Variants in DISC1 observed in about 807,000 individuals in gnomAD.
The protein encoded by DISC1 is DISC1 scaffold protein.
In DISC1, 57 loss-of-function variants were observed where a neutral mutation model predicts 84.5. That is an observed-to-expected ratio of 0.67 (90% confidence interval 0.55 to 0.84). DISC1 has a LOEUF of 0.84. DISC1 is among the 40% of genes least tolerant of loss of function. The probability of loss-of-function intolerance (pLI) is 0.00; values close to 1 mark genes in which losing one functional copy is unlikely to be tolerated. For missense variants in DISC1, 1,000 were observed against 1,057.8 expected, an observed-to-expected ratio of 0.95 and a Z score of 0.76; for synonymous variants, 411 against 415.2, an observed-to-expected ratio of 0.99 and a Z score of 0.12.
At chr1:231,750,299 A>AGAGAACCTTCTCAAGTGCAGCTGCATCCC (rs1263798882) in intron 4 of DISC1, 2 of 1,357,552 alleles carry the variant, frequency 1.5e-6, no homozygotes, top group African/African-American at 2.9e-5. Context: ...CTTGACAGAG[A>AGAGAACCTTCTCAAGTGCAGCTGCATCCC]GAGAACCTTC....
At chr1:232,034,898 A>C (rs1670372460) in intron 12 of DISC1, among the ~76,000 whole-genome samples, 1 of 71,912 alleles carries the variant, frequency 1.4e-5, no homozygotes, top group South Asian at 3.5e-4. Context: ...AAAGCCTCTT[A>C]AAAAAAAAAA....
chr1:231,771,989 T>A (rs2076586295), intron 6 of DISC1, among the ~76,000 whole-genome samples: 1 of 151,650 alleles, frequency 6.6e-6, no homozygotes, highest in Non-Finnish European at 1.5e-5. Context: ...TTTTTTTAAG[T>A]TTTTTGCAGA....
At chr1:231,731,422 T>C (rs1231093460) in intron 3 of DISC1, among the ~76,000 whole-genome samples, 1 of 152,202 alleles carries the variant, frequency 6.6e-6, no homozygotes, top group Admixed American at 6.5e-5. Context: ...ACTTCTGCAT[T>C]GTTGGATCAT....
At chr1:232,004,934 A>C (rs1220694107) in intron 10 of DISC1, among the ~76,000 whole-genome samples, 12 of 93,020 alleles carry the variant, frequency 1.3e-4, no homozygotes, top group South Asian at 4.1e-4. Context: ...CCTTCCTTCC[A>C]TCCTTCTTCC....
chr1:231,936,141 A>G (rs1439498775), intron 9 of DISC1, among the ~76,000 whole-genome samples: 1 of 152,154 alleles, frequency 6.6e-6, no homozygotes, highest in African/African-American at 2.4e-5. Context: ...ACCTCCCAAC[A>G]TTCTGGTTCC....
Position 231,698,097 on chromosome 1 carries a change from A to G in DISC1, c.1047+3292A>G, listed in dbSNP as rs530927170. The stretch of plus-strand genomic sequence containing the variant: ...GCCAGAGTACAATGCTTATGGATCA[A>G]TAATACATATTAAATAAGATGTTTT... On this transcript the variant is annotated intron_variant, in intron 2 of 12. Transcript: ENST00000439617. This position sits in a 1 kb window ranked among gnomAD's most constrained non-coding sequence, Gnocchi z 4.9. 6.6e-6 allele frequency among the ~76,000 whole-genome samples: 1 copy of G among 152,324 alleles called. No homozygotes were observed. The highest frequency in any genetic ancestry group is 2.1e-4 in the South Asian group (1 of 4,830).
intron 9 of DISC1, among the ~76,000 whole-genome samples, chr1:231,932,847 AT>A (rs1328718580): frequency 6.6e-6 from 1 of 152,126 alleles, no homozygotes; most frequent in Non-Finnish European, 1.5e-5. Context: ...AAAATTCAAA[AT>A]TTTTGGTCTG....
rs1298092340 is a variant in DISC1, at chr1:231,913,333, G to A, written c.1982-45495G>A. On this transcript the variant is annotated intron_variant, in intron 9 of 12. Transcript: ENST00000439617. ...TGGCTAATGCTTATAAATGCTTCATGTTGGGGTAGAGTGGAAATTGACACT... is the reference window on the plus strand; with the variant it reads ...TGGCTAATGCTTATAAATGCTTCATATTGGGGTAGAGTGGAAATTGACACT... 3.3e-5 allele frequency among the ~76,000 whole-genome samples: 5 copies of A among 152,158 alleles called. No homozygotes were observed. The South Asian group carries it at 6.2e-4, about 19-fold the overall frequency.
At position 232,031,326 on chromosome 1, in the gene DISC1, G is replaced by GAAAGGA. The variant is rs147764269; in HGVS notation, c.2425+4785_2425+4790dup. On this transcript the variant is annotated intron_variant, in intron 12 of 12. Transcript: ENST00000439617. The surrounding 1 kb of genome is among the most constrained non-coding windows in gnomAD (Gnocchi z 4.6). ...AAGGAGAGAGGGAAGGAGAGAAAAGGAAAGGAAAAGGAAAAGAGGAAAGAA... is the reference window on the plus strand; with the variant it reads ...AAGGAGAGAGGGAAGGAGAGAAAAGGAAAGGAAAAGGAAAAGGAAAAGAGGAAAGAA... 0.18 allele frequency among the ~76,000 whole-genome samples: 26,620 copies of GAAAGGA among 148,096 alleles called. 2,525 individuals are homozygous for GAAAGGA. Among genetic ancestry groups the GAAAGGA allele is most frequent in the Middle Eastern group, 0.22 (62 of 286 alleles).
At chr1:231,895,442 A>ATG (rs2087613352) in intron 9 of DISC1, among the ~76,000 whole-genome samples, 1 of 151,976 alleles carries the variant, frequency 6.6e-6, no homozygotes, top group Non-Finnish European at 1.5e-5. Flanking sequence ...ATATATATAT[A>ATG]TATGAGAGAG....
intron 10 of DISC1, chr1:231,959,129 T>G (rs921536700): frequency 2.4e-5 from 29 of 1,201,066 alleles, no homozygotes; most frequent in Middle Eastern, 3.4e-4. Flanking sequence ...ACAGGAGAGT[T>G]TTCATGTTCC....
intron 3 of DISC1, among the ~76,000 whole-genome samples, chr1:231,703,332 C>T (rs947637938): frequency 6.6e-6 from 1 of 152,144 alleles, no homozygotes; most frequent in South Asian, 2.1e-4. Flanking sequence ...CAGGGGAAGG[C>T]ACCCCTCAAG....
rs372535026 is a variant in DISC1 at position 231,767,182 on chromosome 1, G to A, written c.1311G>A (p.Pro437=). The part of the protein sequence containing the change: ...DDTHTPLRME[P]RLLEPTAQDS... The stretch of plus-strand genomic sequence containing the variant: ...CCCACACCCCACTGAGAATGGAGCC[G>A]AGGCTGTTGGAACCCACTGCTCAGG... The change falls in exon 5 of 13, where the codon CCG becomes CCA. Residue 437 remains proline, a synonymous_variant. Coordinates refer to ENST00000439617, the MANE Select transcript of DISC1 (RefSeq NM_018662.3). 63 of 1,614,226 alleles carry A rather than the reference G, an allele frequency of 3.9e-5. No individual in the cohort carries two copies. Among genetic ancestry groups the A allele is most frequent in the Non-Finnish European group, 4.7e-5 (56 of 1,180,038 alleles).
intron 3 of DISC1, among the ~76,000 whole-genome samples, chr1:231,717,175 A>G (rs1485539721): frequency 2.0e-5 from 3 of 152,096 alleles, no homozygotes; most frequent in Non-Finnish European, 2.9e-5. Flanking sequence ...TGGGAGATGA[A>G]TTGTGGCCCA....
At chr1:231,786,833 C>T (rs1438365334) in intron 6 of DISC1, among the ~76,000 whole-genome samples, 19 of 152,132 alleles carry the variant, frequency 1.2e-4, no homozygotes, top group Admixed American at 1.2e-3. Flanking sequence ...CACTGCACTG[C>T]GTCCACCCTT....
At chr1:231,638,870 A>T (rs2059400646) in intron 1 of DISC1, among the ~76,000 whole-genome samples, 1 of 152,208 alleles carries the variant, frequency 6.6e-6, no homozygotes, top group East Asian at 1.9e-4. Flanking sequence ...AGTGTGAATC[A>T]TCAGGAATTT....
At chr1:231,687,730 T>C (rs947857995) in intron 1 of DISC1, among the ~76,000 whole-genome samples, 5 of 152,142 alleles carry the variant, frequency 3.3e-5, no homozygotes, top group African/African-American at 1.2e-4. Context: ...GAATTAATAA[T>C]GAATAAATCT....
chr1:232,006,344 A>G (rs1411277280), intron 10 of DISC1, among the ~76,000 whole-genome samples: 1 of 152,212 alleles, frequency 6.6e-6, no homozygotes, highest in Non-Finnish European at 1.5e-5. Flanking sequence ...TTTGACCAAA[A>G]TGCTGATAGT....
At chr1:231,834,877 C>T (rs746342774) in intron 9 of DISC1, among the ~76,000 whole-genome samples, 6 of 152,190 alleles carry the variant, frequency 3.9e-5, no homozygotes, top group African/African-American at 7.2e-5. Context: ...CAGACATCCC[C>T]GTGTGATTAA....
Sources: gnomAD v4.1 joint callset for allele counts (sites outside exome capture counted in the v4.1 genomes callset) on GRCh38, gnomAD v4.1.1 for gene constraint, Gnocchi (gnomAD v3.1) non-coding constraint, MANE v1.5 for transcripts, NCBI Gene and HGNC (gene_info 2026-07-23, HGNC 2026-07-21) for gene names.